The following BSG variants were observed in gnomAD, a reference collection of about 807,000 sequenced individuals.
BSG encodes the protein basigin.
A neutral mutation model predicts 43.1 loss-of-function variants in BSG; 37 were observed. That is an observed-to-expected ratio of 0.86 (90% CI 0.66 to 1.13). The LOEUF (loss-of-function observed/expected upper bound fraction) is 1.13, where lower values mean the gene tolerates loss of function less well. BSG is among the 50% of genes most tolerant of loss of function. The probability of loss-of-function intolerance (pLI) is 0.00; values close to 1 mark genes in which losing one functional copy is unlikely to be tolerated. For missense variants in BSG, 599 were observed against 554.2 expected (o/e 1.08, Z -0.81); for synonymous variants, 309 against 238.7 (o/e 1.29, Z -2.72).
At chr19:571,500 C>A (rs1365635539), upstream of BSG, 1 of 778,688 alleles carries the variant, frequency 1.3e-6, no homozygotes, top group East Asian at 2.4e-5. Flanking sequence ...TCTGGGTTTA[C>A]GCGTCACCTC....
intron 8 of BSG, 60 bp from the exon 9 acceptor site, chr19:582,688 TGG>T (rs1419470522): frequency 7.9e-7 from 1 of 1,270,858 alleles, no homozygotes; most frequent in Non-Finnish European, 1.1e-6. Flanking sequence ...TGTGGGCTCC[TGG>T]GTCCCGCCTG....
intron 1 of BSG, among the ~76,000 whole-genome samples, chr19:577,470 G>A (rs1981875954): frequency 6.6e-6 from 1 of 152,184 alleles, no homozygotes; most frequent in Admixed American, 6.5e-5. Context: ...GCAGCCCTCG[G>A]GGCTCAGGAC....
rs117933091 is a variant in BSG at position 574,882 on chromosome 19, G to A, written c.67+2181G>A. Among the ~76,000 whole-genome samples, 146 of 152,322 alleles carry A rather than the reference G, an allele frequency of 9.6e-4. No individual in the cohort carries two copies. In the South Asian group the frequency reaches 0.013, roughly 13 times the overall value. On this transcript the variant is annotated intron_variant, in intron 1 of 8. Coordinates refer to ENST00000333511, the MANE Select transcript of BSG (RefSeq NM_001728.4). Reference sequence around the variant, plus strand: ...AGGAGCCCATGGGTGAGGTGAGCGCGGAAGATAAGCCGCCCCCGCCAGCCC... The same window carrying A: ...AGGAGCCCATGGGTGAGGTGAGCGCAGAAGATAAGCCGCCCCCGCCAGCCC...
intron 3 of BSG, 154 bp downstream of exon 3, chr19:579,810 C>T (rs560128357): frequency 3.2e-6 from 4 of 1,246,258 alleles, no homozygotes; most frequent in Non-Finnish European, 4.3e-6. Context: ...AGAGGGAAAC[C>T]CCAGGGAGGG....
intron 2 of BSG, chr19:578,713 T>C (rs1982000838): frequency 3.7e-6 from 1 of 272,772 alleles, no homozygotes; most frequent in African/African-American, 3.7e-5. Context: ...CACGGGAGCC[T>C]TGGCCGGGGG....
At chr19:577,086 C>G (rs910307125) in intron 1 of BSG, among the ~76,000 whole-genome samples, 1 of 152,198 alleles carries the variant, frequency 6.6e-6, no homozygotes, top group Admixed American at 6.5e-5. Flanking sequence ...TGGGCTGTTC[C>G]TGGCAGGCGA....
intron 1 of BSG, among the ~76,000 whole-genome samples, chr19:576,298 G>A (rs1477007079): frequency 6.6e-6 from 1 of 152,248 alleles, no homozygotes; most frequent in East Asian, 1.9e-4. Flanking sequence ...TGGAGGATGA[G>A]GAGAGGGGCT....
chr19:577,975 C>A lies in BSG; in HGVS notation c.269C>A (p.Ala90Asp). ...HIHATYHQHA[A>D]STISIDTLVE... ...CACGCCACCTACCACCAGCACGCGG[C>A]CAGCACCATCTCCATCGACACGCTC... The change falls in exon 2 of 9, where the codon GCC becomes GAC. Residue 90 changes from alanine (A) to aspartate (D), a missense_variant. Ala to Asp is a moderately radical substitution (Grantham distance 126). Coordinates refer to ENST00000333511, the MANE Select transcript of BSG (RefSeq NM_001728.4). 6.2e-7 allele frequency: 1 copy of A among 1,612,264 alleles called. No homozygotes were observed. The highest frequency in any genetic ancestry group is 8.5e-7 in the Non-Finnish European group (1 of 1,179,708).
intron 5 of BSG, 128 bp from the exon 6 acceptor site, chr19:581,187 G>A (rs1458830530): frequency 4.7e-6 from 5 of 1,066,696 alleles, no homozygotes; most frequent in Non-Finnish European, 6.5e-6. Flanking sequence ...CCTAGACTGG[G>A]GGTCCCGGAC....
At position 578,923 on chromosome 19, in the gene BSG, G is replaced by A. The variant is rs921470664; in HGVS notation, c.416-577G>A. 3.3e-5 allele frequency: 14 copies of A among 430,618 alleles called. No homozygotes were observed. In the East Asian group the frequency reaches 8.5e-4, roughly 26 times the overall value. The allele number at this position is 430,618 out of a possible 1,614,324, so 26.7% of individuals were successfully genotyped here. Reference sequence around the variant, plus strand: ...TTTTTTGTATTTTTAGAAGAGACGGGGTTTCACCGTGTTAGCCAGGATGGT... The same window carrying A: ...TTTTTTGTATTTTTAGAAGAGACGGAGTTTCACCGTGTTAGCCAGGATGGT... On this transcript the variant is annotated intron_variant, in intron 2 of 8. Coordinates refer to ENST00000333511, the MANE Select transcript of BSG (RefSeq NM_001728.4).
chr19:582,370 G>T (rs756216375), intron 7 of BSG, 40 bp downstream of exon 7: 2 of 1,596,248 alleles, frequency 1.3e-6, no homozygotes, highest in Admixed American at 1.8e-5. Context: ...CCAAGGAGCG[G>T]CCTGCTGCCC....
intron 2 of BSG, chr19:579,080 C>G (rs73918141): frequency 2.2e-6 from 1 of 459,612 alleles, no homozygotes; most frequent in Admixed American, 2.3e-5. Flanking sequence ...CCAGTTTGTG[C>G]TGGGGCTGCT....
At chr19:571,952 TC>T (rs1323382809), upstream of BSG, among the ~76,000 whole-genome samples, 1 of 152,168 alleles carries the variant, frequency 6.6e-6, no homozygotes, top group African/African-American at 2.4e-5. Context: ...AACTTACTTG[TC>T]CCAACCAAAT....
At chr19:572,004 G>T (rs28915400), upstream of BSG, 24,271 of 162,088 alleles carry the variant, frequency 0.15, 2,085 homozygotes, top group South Asian at 0.27. Flanking sequence ...TTCATTTTCT[G>T]AGATCCAGAT....
rs1982463586 is a variant in BSG at position 582,900 on chromosome 19, T to C, written c.*156T>C. 1 of 413,874 alleles carries C rather than the reference T, an allele frequency of 2.4e-6. No homozygotes were observed. Among genetic ancestry groups the C allele is most frequent in the Non-Finnish European group, 4.4e-6 (1 of 229,614 alleles). The allele number at this position is 413,874 out of a possible 1,614,324, so 25.6% of individuals were successfully genotyped here. On this transcript the variant is annotated 3_prime_UTR_variant, in exon 9 of 9. Coordinates refer to ENST00000333511, the MANE Select transcript of BSG (RefSeq NM_001728.4). ...CTTCTTTTTTAAAAAAGTTGGGTTT[T>C]CTCCATTCAGGATTCTGTTCCTTAG... is the stretch of plus-strand genomic sequence containing the variant.
intron 3 of BSG, chr19:579,933 G>A (rs1307500181): frequency 8.1e-6 from 4 of 491,372 alleles, no homozygotes; most frequent in Admixed American, 3.8e-5. Flanking sequence ...GCCAGGTCCC[G>A]GGCACGTGTG....
At chr19:571,525 C>T (rs748833518), upstream of BSG, 5 of 779,348 alleles carry the variant, frequency 6.4e-6, no homozygotes, top group Middle Eastern at 2.2e-4. Flanking sequence ...GGGACCCGAT[C>T]CTCCGCTCCT....
chr19:579,421 C>T (rs745458223), intron 2 of BSG, 79 bp from the exon 3 acceptor site: 16 of 1,580,618 alleles, frequency 1.0e-5, no homozygotes, highest in South Asian at 2.2e-5. Flanking sequence ...GGGGAGGAGC[C>T]GCAGGTTCCT....
rs775667703 is a variant in BSG, at chr19:572,597, G to C, written c.-38G>C. 9 of 1,454,112 alleles carry C rather than the reference G, an allele frequency of 6.2e-6. No homozygotes were observed. Among genetic ancestry groups the C allele is most frequent in the Non-Finnish European group, 8.2e-6 (9 of 1,095,170 alleles). 90.1% of individuals were successfully genotyped at this position (1,454,112 alleles called of 1,614,324 possible). ...ATAGCGGCCGCGGGCGGCGGCGGCAGCGGTTGGAGGTTGTAGGACCGGCGA... is the reference window on the plus strand; with the variant it reads ...ATAGCGGCCGCGGGCGGCGGCGGCACCGGTTGGAGGTTGTAGGACCGGCGA... On this transcript the variant is annotated 5_prime_UTR_variant, in exon 1 of 9. Coordinates refer to ENST00000333511, the MANE Select transcript of BSG (RefSeq NM_001728.4).
Sources: allele counts gnomAD v4.1 joint callset (sites outside exome capture counted in the v4.1 genomes callset), GRCh38; gene constraint gnomAD v4.1.1; transcripts MANE v1.5; gene names NCBI Gene and HGNC (gene_info 2026-07-23, HGNC 2026-07-21).